IGF2BP1: variants seen among roughly 807,000 people sequenced by gnomAD.
IGF2BP1 encodes the protein insulin-like growth factor 2 mRNA-binding protein 1.
IGF2BP1 carries 11 observed loss-of-function variants against 74.9 expected under a neutral mutation model. That is an observed-to-expected ratio of 0.15 (90% CI 0.09 to 0.24). The LOEUF (loss-of-function observed/expected upper bound fraction) is 0.24. Ranked by LOEUF, IGF2BP1 falls within the 10% of genes least tolerant of loss-of-function variation. IGF2BP1 has a pLI of 1.00. For missense variants in IGF2BP1, 440 were observed against 757.4 expected (o/e 0.58, Z 4.92); for synonymous variants, 287 against 281.8 (o/e 1.02, Z -0.18).
chr17:49,025,372 G>C (rs1157110529), intron 2 of IGF2BP1, among the ~76,000 whole-genome samples: 1 of 145,838 alleles, frequency 6.9e-6, no homozygotes, highest in Admixed American at 6.9e-5. Flanking sequence ...AATGTTAACA[G>C]AGTGCTTAGA....
intron 2 of IGF2BP1, among the ~76,000 whole-genome samples, chr17:49,017,031 G>C (rs916116853): frequency 6.6e-5 from 10 of 151,718 alleles, no homozygotes; most frequent in African/African-American, 2.2e-4. Flanking sequence ...GGGATAAGGA[G>C]GCGGGGTGGG....
Position 49,050,516 on chromosome 17 carries a change from G to A in IGF2BP1, c.*1072G>A, listed in dbSNP as rs1207713951. The stretch of plus-strand genomic sequence containing the variant: ...CTGGTTCCTAGAGGCAGGGGTTGTG[G>A]GGCACTCCCAGCCACGGCACTGTTA... On this transcript the variant is annotated 3_prime_UTR_variant, in exon 15 of 15. Coordinates refer to ENST00000290341, the MANE Select transcript of IGF2BP1 (RefSeq NM_006546.4). 1.3e-5 allele frequency: 2 copies of A among 152,146 alleles called. No individual in the cohort carries two copies. The highest frequency in any genetic ancestry group is 1.9e-4 in the East Asian group (1 of 5,184). The allele number at this position is 152,146 out of a possible 1,614,324, so 9.4% of individuals were successfully genotyped here.
At chr17:49,005,729 T>C (rs2041544628) in intron 2 of IGF2BP1, among the ~76,000 whole-genome samples, 1 of 152,164 alleles carries the variant, frequency 6.6e-6, no homozygotes, top group Non-Finnish European at 1.5e-5. Flanking sequence ...CTTCAAATTT[T>C]TTTTTTTTCA....
chr17:49,040,737 C>T (rs1321935689), intron 7 of IGF2BP1, among the ~76,000 whole-genome samples: 1 of 152,198 alleles, frequency 6.6e-6, no homozygotes, highest in Non-Finnish European at 1.5e-5. Flanking sequence ...TATGGACAGA[C>T]CGCATTATTT....
rs979851282 is a variant in IGF2BP1 at position 49,008,715 on chromosome 17, G to A, written c.236+9546G>A. On this transcript the variant is annotated intron_variant, in intron 2 of 14. Transcript: ENST00000290341. Reference sequence around the variant, plus strand: ...TGGTTAGCAACTGTAGCCTGGGAGTGTGTGTGGGGTCCTTGCCTCAGTCAC... The same window carrying A: ...TGGTTAGCAACTGTAGCCTGGGAGTATGTGTGGGGTCCTTGCCTCAGTCAC... 2.6e-4 allele frequency among the ~76,000 whole-genome samples: 39 copies of A among 152,172 alleles called. 1 individual carries two copies. Among genetic ancestry groups the A allele is most frequent in the Non-Finnish European group, 4.4e-5 (3 of 68,028 alleles).
At chr17:49,015,003 C>G in intron 2 of IGF2BP1, 1 of 941,938 alleles carries the variant, frequency 1.1e-6, no homozygotes, top group Non-Finnish European at 1.3e-6. Flanking sequence ...CATCCTCGGC[C>G]GGGCCTCTGA....
chr17:49,043,121 A>G (rs962881357), intron 9 of IGF2BP1, among the ~76,000 whole-genome samples: 9 of 152,084 alleles, frequency 5.9e-5, no homozygotes, highest in African/African-American at 1.9e-4. Context: ...TCATGGGTCT[A>G]TCGTCTGTCT....
At chr17:49,022,656 C>A (rs894290432) in intron 2 of IGF2BP1, among the ~76,000 whole-genome samples, 41 of 152,162 alleles carry the variant, frequency 2.7e-4, no homozygotes, top group Non-Finnish European at 4.9e-4. Flanking sequence ...GATCTGCCTG[C>A]CATTGCTTTC....
chr17:49,036,293 T>C (rs1346165937), intron 5 of IGF2BP1: 1 of 151,910 alleles, frequency 6.6e-6, no homozygotes, highest in Non-Finnish European at 1.5e-5. Flanking sequence ...CAGAGCCAAG[T>C]GGGCAGTTAG....
chr17:48,999,087 A>AT (rs369408885), intron 1 of IGF2BP1, 22 bp from the exon 2 acceptor site: 157,277 of 1,125,394 alleles, frequency 0.14, 2,000 homozygotes, highest in East Asian at 0.25. Context: ...TCTCATGGTA[A>AT]TTTTTTTTTT....
chr17:48,999,246 C>G, intron 2 of IGF2BP1, 77 bp downstream of exon 2: 1 of 872,398 alleles, frequency 1.1e-6, no homozygotes, highest in Admixed American at 2.0e-5. Context: ...GGGTCCATAG[C>G]GTCTCCAGTG....
At chr17:49,012,604 C>A (rs754012456) in intron 2 of IGF2BP1, 1 of 152,196 alleles carries the variant, frequency 6.6e-6, no homozygotes, top group Non-Finnish European at 1.5e-5. Context: ...AAAATGGGAG[C>A]TTGAGGGGAA....
intron 2 of IGF2BP1, among the ~76,000 whole-genome samples, chr17:49,010,399 C>G (rs995792314): frequency 6.7e-6 from 1 of 149,998 alleles, no homozygotes; most frequent in African/African-American, 2.5e-5. Context: ...TCACTGCAAG[C>G]TCCGCCTCCC....
rs2042104904 is a variant in IGF2BP1, at chr17:49,046,092, T to A, written c.1527+71T>A. 8.3e-6 allele frequency: 13 copies of A among 1,568,976 alleles called. No homozygotes were observed. The Admixed American group carries it at 1.2e-4, about 15-fold the overall frequency. On this transcript the variant is annotated intron_variant, in intron 13 of 14. Transcript: ENST00000290341. The stretch of plus-strand genomic sequence containing the variant: ...ATCTCAGCAGCTCTCTCTGGTCTCC[T>A]GTACTGCTCAACCTCAGGACTCCTG...
intron 14 of IGF2BP1, among the ~76,000 whole-genome samples, chr17:49,048,680 G>A (rs1017506412): frequency 1.3e-4 from 20 of 152,174 alleles, no homozygotes; most frequent in African/African-American, 4.8e-4. Flanking sequence ...CTGGTACCGG[G>A]CCACACAGCA....
intron 5 of IGF2BP1, among the ~76,000 whole-genome samples, chr17:49,033,803 T>C (rs935151151): frequency 6.6e-6 from 1 of 152,034 alleles, no homozygotes; most frequent in African/African-American, 2.4e-5. Flanking sequence ...CCTATGTCTT[T>C]GCCACGGTTA....
At chr17:49,027,460 CA>C (rs1187501940) in intron 4 of IGF2BP1, among the ~76,000 whole-genome samples, 3 of 152,092 alleles carry the variant, frequency 2.0e-5, no homozygotes, top group Non-Finnish European at 1.5e-5. Context: ...AAATAAAAAG[CA>C]GAGGATTTAT....
chr17:49,046,933 T>C (rs2042114266), intron 14 of IGF2BP1, among the ~76,000 whole-genome samples: 1 of 152,152 alleles, frequency 6.6e-6, no homozygotes, highest in African/African-American at 2.4e-5. Context: ...AAGGCCAATA[T>C]CAGGTTCAAA....
intron 1 of IGF2BP1, 114 bp downstream of exon 1, chr17:48,998,034 G>T: frequency 8.1e-7 from 1 of 1,238,188 alleles, no homozygotes. Flanking sequence ...TGCGGGGTTT[G>T]GCCTCCGTAC....
Sources: allele counts gnomAD v4.1 joint callset (sites outside exome capture counted in the v4.1 genomes callset), GRCh38; gene constraint gnomAD v4.1.1; transcripts MANE v1.5; gene names NCBI Gene and HGNC (gene_info 2026-07-23, HGNC 2026-07-21).